The following RBFOX1 variants were observed in gnomAD, a reference collection of about 807,000 sequenced individuals.
RBFOX1 encodes RNA binding fox-1 homolog 1.
A neutral mutation model predicts 57.7 loss-of-function variants in RBFOX1; 8 were observed. That is an observed-to-expected ratio of 0.14 (90% CI 0.08 to 0.25). The LOEUF is 0.25. RBFOX1 is among the 10% of genes least tolerant of loss of function. The pLI is 1.00. For synonymous variants in RBFOX1, 326 were observed against 222.4 expected, an observed-to-expected ratio of 1.47 and a Z score of -4.15; for missense variants, 611 against 548.5, an observed-to-expected ratio of 1.11 and a Z score of -1.14.
intron 3 of RBFOX1, among the ~76,000 whole-genome samples, chr16:5,677,938 C>A (rs1039119858): frequency 1.2e-4 from 19 of 152,162 alleles, no homozygotes; most frequent in African/African-American, 4.6e-4. Context: ...GCTTTTATTC[C>A]ATGAGCCGAA....
chr16:7,532,762 C>T (rs531228278), intron 5 of RBFOX1, among the ~76,000 whole-genome samples: 12 of 152,302 alleles, frequency 7.9e-5, no homozygotes, highest in African/African-American at 2.6e-4. Flanking sequence ...TCACATATTG[C>T]CTATGGCTGC....
intron 3 of RBFOX1, among the ~76,000 whole-genome samples, chr16:5,819,632 A>G (rs1429602062): frequency 6.6e-6 from 1 of 152,192 alleles, no homozygotes; most frequent in East Asian, 1.9e-4. Flanking sequence ...ACGCTGGACT[A>G]CTTGACATTT....
intron 5 of RBFOX1, among the ~76,000 whole-genome samples, chr16:7,576,720 AATC>A (rs1297831327): frequency 6.6e-6 from 1 of 152,248 alleles, no homozygotes; most frequent in Non-Finnish European, 1.5e-5. Context: ...TAATATGTTT[AATC>A]ATAATCTCTG....
chr16:7,245,427 T>C (rs1365648865), intron 4 of RBFOX1, among the ~76,000 whole-genome samples: 9 of 148,010 alleles, frequency 6.1e-5, no homozygotes, highest in Non-Finnish European at 1.5e-5. Flanking sequence ...ACCCGTCACC[T>C]AGTATTAGTT....
rs185557767 is a variant in RBFOX1 at position 6,535,273 on chromosome 16, C to T, written c.-63-119330C>T. Among the ~76,000 whole-genome samples the T allele has an allele frequency of 1.8e-3, 273 of 152,286 alleles. 3 individuals carry two copies. The highest frequency in any genetic ancestry group is 6.4e-3 in the African/African-American group (265 of 41,562). On this transcript the variant is annotated intron_variant, in intron 2 of 15. Transcript: ENST00000550418. Reference sequence around the variant, plus strand: ...CCAGCCAGAGCTCTGTCTAAAGTTACATCTGATGGAGAAATTGAGGGATCA... The same window carrying T: ...CCAGCCAGAGCTCTGTCTAAAGTTATATCTGATGGAGAAATTGAGGGATCA...
chr16:6,333,722 A>T (rs1002742726), intron 2 of RBFOX1, among the ~76,000 whole-genome samples: 3 of 152,226 alleles, frequency 2.0e-5, no homozygotes, highest in Admixed American at 6.5e-5. Context: ...GATCACAGAC[A>T]TTAGGAATTG....
intron 11 of RBFOX1, among the ~76,000 whole-genome samples, chr16:7,633,527 A>G (rs1018227906): frequency 4.0e-5 from 6 of 150,918 alleles, no homozygotes; most frequent in African/African-American, 1.5e-4. Context: ...CAAAAATATT[A>G]AACAAAATAA....
chr16:5,929,128 C>G (rs1391345984), intron 4 of RBFOX1, among the ~76,000 whole-genome samples: 1 of 151,618 alleles, frequency 6.6e-6, no homozygotes, highest in East Asian at 1.9e-4. Flanking sequence ...TTGACAGAGA[C>G]ATTGCTTTGG....
intron 1 of RBFOX1, among the ~76,000 whole-genome samples, chr16:5,373,591 A>T (rs920430883): frequency 6.6e-6 from 1 of 151,048 alleles, no homozygotes; most frequent in Non-Finnish European, 1.5e-5. Context: ...ACCGTGAGCC[A>T]GTTAAACGTC....
At chr16:5,317,022 C>G (rs1178078860) in intron 1 of RBFOX1, among the ~76,000 whole-genome samples, 1 of 152,156 alleles carries the variant, frequency 6.6e-6, no homozygotes, top group Non-Finnish European at 1.5e-5. Flanking sequence ...ACTCCAGGTT[C>G]TGGAGCCTTT....
intron 4 of RBFOX1, among the ~76,000 whole-genome samples, chr16:7,346,221 C>T (rs1015790756): frequency 1.3e-5 from 2 of 152,060 alleles, no homozygotes; most frequent in Non-Finnish European, 2.9e-5. Flanking sequence ...TTAATCCAGT[C>T]TGTCATTGAT....
chr16:6,327,987 G>C (rs947742390), intron 2 of RBFOX1, among the ~76,000 whole-genome samples: 2 of 152,272 alleles, frequency 1.3e-5, no homozygotes, highest in African/African-American at 4.8e-5. Context: ...GGGTGGAAAC[G>C]TATAAAGGTT....
chr16:7,318,848 C>T (rs559511369), intron 4 of RBFOX1, among the ~76,000 whole-genome samples: 1 of 152,188 alleles, frequency 6.6e-6, no homozygotes, highest in Non-Finnish European at 1.5e-5. Flanking sequence ...TCTGGCAGAG[C>T]GCAACATGAA....
At chr16:6,602,360 G>A (rs1438839340) in intron 2 of RBFOX1, among the ~76,000 whole-genome samples, 1 of 152,030 alleles carries the variant, frequency 6.6e-6, no homozygotes, top group Admixed American at 6.6e-5. Context: ...TTTGTTGCCT[G>A]TACTTTTTGT....
chr16:7,263,989 A>G (rs952710967), intron 4 of RBFOX1, among the ~76,000 whole-genome samples: 3 of 151,736 alleles, frequency 2.0e-5, no homozygotes, highest in African/African-American at 4.8e-5. Context: ...ACACAGAAAG[A>G]TCTTGGCGGT....
rs1055315506 is a variant in RBFOX1, at chr16:7,436,171, C to G, written c.28-81976C>G. On this transcript the variant is annotated intron_variant, in intron 4 of 15. Coordinates refer to ENST00000550418, the MANE Select transcript of RBFOX1 (RefSeq NM_018723.4). ...AGTTCTCACATTCCTCTCTTTTGAC[C>G]GAGGAATTTATATTTTTTCAGTAGA... is the stretch of plus-strand genomic sequence containing the variant. 9.9e-5 allele frequency among the ~76,000 whole-genome samples: 15 copies of G among 152,114 alleles called. 3 individuals carry two copies. Among genetic ancestry groups the G allele is most frequent in the East Asian group, 1.9e-4 (1 of 5,176 alleles).
intron 4 of RBFOX1, among the ~76,000 whole-genome samples, chr16:7,382,569 G>A (rs909765440): frequency 6.6e-6 from 1 of 152,222 alleles, no homozygotes; most frequent in Non-Finnish European, 1.5e-5. Context: ...TTTTCTTGCT[G>A]TAAGCCAGTG....
chr16:5,966,906 T>C (rs74605951), intron 4 of RBFOX1, among the ~76,000 whole-genome samples: 400 of 149,410 alleles, frequency 2.7e-3, no homozygotes, highest in African/African-American at 9.4e-3. Context: ...ACAGCCTTTG[T>C]TCTGATTCAA....
chr16:6,536,683 C>A (rs2096739959), intron 2 of RBFOX1, among the ~76,000 whole-genome samples: 1 of 151,808 alleles, frequency 6.6e-6, no homozygotes, highest in African/African-American at 2.4e-5. Context: ...GCTATGATAT[C>A]TTCAGATTTT....
Sources: gnomAD v4.1 joint callset for allele counts (sites outside exome capture counted in the v4.1 genomes callset) on GRCh38, gnomAD v4.1.1 for gene constraint, MANE v1.5 for transcripts, NCBI Gene and HGNC (gene_info 2026-07-23, HGNC 2026-07-21) for gene names.